Variants in ZNF398 observed in about 807,000 individuals in gnomAD.
ZNF398 encodes the protein zinc finger protein 398.
Under a neutral mutation model 41.9 loss-of-function variants are expected in ZNF398, and 18 were observed. That is an observed-to-expected ratio of 0.43 (90% CI 0.30 to 0.64). ZNF398 has a LOEUF of 0.64. Among genes scored for constraint, ZNF398 ranks in the 30% least tolerant of loss-of-function variants. The pLI is 0.14. For synonymous variants in ZNF398, 260 were observed against 308.8 expected (o/e 0.84, Z 1.66); for missense variants, 669 against 822.8 (o/e 0.81, Z 2.29).
chr7:149,140,686 TAA>T (rs1826804406), intron 2 of ZNF398, among the ~76,000 whole-genome samples: 1 of 151,808 alleles, frequency 6.6e-6, no homozygotes, highest in African/African-American at 2.4e-5. Flanking sequence ...GCCAGGCCCA[TAA>T]AACACCCTTT....
At chr7:149,177,990 T>C (rs1266071583) in intron 5 of ZNF398, among the ~76,000 whole-genome samples, 2 of 149,106 alleles carry the variant, frequency 1.3e-5, no homozygotes, top group Admixed American at 1.3e-4. Flanking sequence ...CTACTAAAAA[T>C]ATAAAAATTA....
intron 2 of ZNF398, among the ~76,000 whole-genome samples, chr7:149,154,881 C>T (rs537590398): frequency 6.6e-6 from 1 of 150,878 alleles, no homozygotes; most frequent in Non-Finnish European, 1.5e-5. Flanking sequence ...CCTAGCCACT[C>T]GGGAGGCTGA....
At chr7:149,143,298 ATTACCAATGTAGCAAGAT>A, upstream of ZNF398, among the ~76,000 whole-genome samples, 1 of 152,316 alleles carries the variant, frequency 6.6e-6, no homozygotes. Context: ...TTCAGAGAAT[ATTACCAATGTAGCAAGAT>A]TTACCAATAA....
At position 149,149,077 on chromosome 7, in the gene ZNF398, A is replaced by G. The variant is rs1327574339; in HGVS notation, c.24+1311A>G. ...CCAGCTAGGCCGGGGGCTGAGGCGG[A>G]AGAATCACTTGAGTCCAGGAGTTCG... On this transcript the variant is annotated intron_variant, in intron 1 of 5. Transcript: ENST00000475153. Among the ~76,000 whole-genome samples the G allele has an allele frequency of 4.0e-5, 6 of 151,796 alleles. No individual in the cohort carries two copies. In the East Asian group the frequency reaches 9.7e-4, roughly 25 times the overall value.
In ZNF398 at chr7:149,180,665, ATGTTC is replaced by A. The variant is rs1284305907; in HGVS notation, c.*867_*871del. 1 of 152,212 alleles carries A rather than the reference ATGTTC, an allele frequency of 6.6e-6. No homozygotes were observed. Among genetic ancestry groups the A allele is most frequent in the Non-Finnish European group, 1.5e-5 (1 of 68,034 alleles). 9.4% of individuals were successfully genotyped at this position (152,212 alleles called of 1,614,324 possible). A position where few individuals can be genotyped will look rare whatever the true frequency, so the allele number is the denominator to read the frequency against. On this transcript the variant is annotated 3_prime_UTR_variant, in exon 6 of 6. Transcript: ENST00000475153. ...ACAGCTTAAAATTTGTGCCTACACC[ATGTTC>A]TGAGAGTCGTTCACATCAAATTCTT...
chr7:149,139,260 A>T (rs979725051), intron 2 of ZNF398, among the ~76,000 whole-genome samples: 9 of 151,508 alleles, frequency 5.9e-5, no homozygotes, highest in Non-Finnish European at 8.8e-5. Context: ...GGGTCTCACA[A>T]TGTTGCTAAG....
chr7:149,141,611 C>T (rs909995958), intron 2 of ZNF398, among the ~76,000 whole-genome samples: 20 of 152,138 alleles, frequency 1.3e-4, no homozygotes, highest in African/African-American at 4.3e-4. Context: ...CCCGCCACCA[C>T]GCCTGGCTAA....
At chr7:149,139,003 C>T (rs1826768814) in intron 2 of ZNF398, among the ~76,000 whole-genome samples, 1 of 151,430 alleles carries the variant, frequency 6.6e-6, no homozygotes, top group Non-Finnish European at 1.5e-5. Flanking sequence ...CTCTGCCTCC[C>T]AGGTTCCAGC....
chr7:149,152,223 ATAAT>A (rs1187301648), intron 1 of ZNF398, among the ~76,000 whole-genome samples: 4 of 151,490 alleles, frequency 2.6e-5, no homozygotes, highest in Non-Finnish European at 4.4e-5. Context: ...CAAGAAATAA[ATAAT>A]TAATTAATTA....
At position 149,179,472 on chromosome 7, in the gene ZNF398, A is replaced by G. The variant is rs1228295021; in HGVS notation, c.1600A>G (p.Thr534Ala). The G allele has an allele frequency of 1.9e-6, 3 of 1,614,046 alleles. No homozygotes were observed. Among genetic ancestry groups the G allele is most frequent in the Non-Finnish European group, 8.5e-7 (1 of 1,180,052 alleles). ...EHLLNHRRLH[T>A]GERPFSCPHC... ...CCTGCTGAACCACCGGCGGCTGCACACAGGCGAGCGGCCCTTCAGTTGTCC... is the reference window on the plus strand; with the variant it reads ...CCTGCTGAACCACCGGCGGCTGCACGCAGGCGAGCGGCCCTTCAGTTGTCC... Residue 534 changes from threonine to alanine, a missense_variant, in exon 6 of 6, where the codon ACA (threonine) becomes GCA (alanine). This residue lies in a region of ZNF398 where 210 missense variants were observed against 290.4 expected (regional missense o/e 0.72). Coordinates refer to ENST00000475153, the MANE Select transcript of ZNF398 (RefSeq NM_170686.3). This position sits in a 1 kb window ranked among gnomAD's most constrained non-coding sequence, Gnocchi z 6.1.
At chr7:149,136,137 ATTTAT>A (rs928164786) in intron 2 of ZNF398, among the ~76,000 whole-genome samples, 1 of 151,958 alleles carries the variant, frequency 6.6e-6, no homozygotes, top group Non-Finnish European at 1.5e-5. Context: ...TTATTTATTT[ATTTAT>A]TTATATGTTT....
rs1032750331 is a variant in ZNF398, at chr7:149,153,815, G to A, written c.25-130G>A. On this transcript the variant is annotated intron_variant, in intron 1 of 5. Transcript: ENST00000475153. ...TGAGCTCCAGAAAGATGAGGCATAC[G>A]CAGGCAGTACTAGAACTATATTCAA... The A allele has an allele frequency of 7.3e-6, 8 of 1,100,300 alleles. No homozygotes were observed. The Admixed American group carries it at 1.1e-4, about 15-fold the overall frequency. The allele number at this position is 1,100,300 out of a possible 1,614,324, so 68.2% of individuals were successfully genotyped here.
intron 2 of ZNF398, among the ~76,000 whole-genome samples, chr7:149,136,726 C>G (rs1826721814): frequency 6.6e-6 from 1 of 151,954 alleles, no homozygotes; most frequent in Non-Finnish European, 1.5e-5. Flanking sequence ...CGCCACCACA[C>G]CCAGCTAATT....
chr7:149,141,039 C>CA lies in ZNF398; in HGVS notation c.-490+12119dup, dbSNP rs60228279. Among the ~76,000 whole-genome samples the CA allele has an allele frequency of 4.5e-3, 541 of 120,056 alleles. 2 individuals are homozygous for CA. The highest frequency in any genetic ancestry group is 0.012 in the African/African-American group (369 of 29,850). The allele number at this position is 120,056 out of a possible 152,430, so 78.8% of individuals were successfully genotyped here. On this transcript the variant is annotated intron_variant, in intron 2 of 6. Transcript: ENST00000426851. ...TGCGCGACAGAGGCACAGCCTGTCTCAAAAAAAAAAAAAAAAAAAAAAAAT... is the reference window on the plus strand; with the variant it reads ...TGCGCGACAGAGGCACAGCCTGTCTCAAAAAAAAAAAAAAAAAAAAAAAAAT...
intron 2 of ZNF398, among the ~76,000 whole-genome samples, chr7:149,163,266 G>A (rs556595326): frequency 1.6e-4 from 25 of 151,944 alleles, no homozygotes; most frequent in African/African-American, 6.0e-4. Context: ...GTGCAGTGGC[G>A]TGATCTCAGC....
At chr7:149,161,822 A>AG (rs1795109934) in intron 2 of ZNF398, among the ~76,000 whole-genome samples, 1 of 148,428 alleles carries the variant, frequency 6.7e-6, no homozygotes, top group Admixed American at 6.7e-5. Flanking sequence ...AAAAAAAAAA[A>AG]AGGGGAATTG....
chr7:149,160,427 A>G (rs916740160), intron 2 of ZNF398, among the ~76,000 whole-genome samples: 3 of 151,518 alleles, frequency 2.0e-5, no homozygotes, highest in African/African-American at 7.4e-5. Flanking sequence ...TCTTCTGCAT[A>G]TGGCCATTCC....
chr7:149,127,389 T>TAA (rs33912807), intron 1 of ZNF398, among the ~76,000 whole-genome samples: 1 of 146,532 alleles, frequency 6.8e-6, no homozygotes, highest in African/African-American at 2.5e-5. Flanking sequence ...ATTAAAGGGT[T>TAA]AAAAAAAAAA....
At chr7:149,165,712 A>C (rs1335989202) in intron 2 of ZNF398, among the ~76,000 whole-genome samples, 3 of 152,210 alleles carry the variant, frequency 2.0e-5, no homozygotes, top group Non-Finnish European at 2.9e-5. Flanking sequence ...GAACAGCATC[A>C]AAGGGAACTC....
Sources: allele counts gnomAD v4.1 joint callset (sites outside exome capture counted in the v4.1 genomes callset), GRCh38; gene constraint gnomAD v4.1.1; regional missense constraint gnomAD v4.1.1; non-coding constraint Gnocchi (gnomAD v3.1); transcripts MANE v1.5; gene names NCBI Gene and HGNC (gene_info 2026-07-23, HGNC 2026-07-21).